The following PHF19 variants were observed in gnomAD, a reference collection of about 807,000 sequenced individuals.
PHF19 encodes the protein PHD finger protein 19.
A neutral mutation model predicts 79.8 loss-of-function variants in PHF19; 21 were observed. The ratio of observed to expected loss-of-function variants is 0.26; its 90% CI spans 0.19 to 0.38. The LOEUF (loss-of-function observed/expected upper bound fraction) is 0.38. Ranked by LOEUF, PHF19 falls within the 10% of genes least tolerant of loss-of-function variation. The probability of loss-of-function intolerance (pLI) is 1.00; values close to 1 mark genes in which losing one functional copy is unlikely to be tolerated. For synonymous variants in PHF19, 273 were observed against 296.3 expected, an observed-to-expected ratio of 0.92 and a Z score of 0.81; for missense variants, 445 against 744.2, an observed-to-expected ratio of 0.60 and a Z score of 4.68.
At position 120,869,785 on chromosome 9, in the gene PHF19, C is replaced by A; in HGVS notation, c.465+60G>T. The stretch of plus-strand genomic sequence containing the variant: ...AGCTCAGACTCTGTGATGGGAGTCT[C>A]TGGTCTGCCCCACTGGAGGAGGCAG... On this transcript the variant is annotated intron_variant, in intron 5 of 14. Coordinates refer to ENST00000373896, the MANE Select transcript of PHF19 (RefSeq NM_015651.3). The surrounding 1 kb of genome is among the most constrained non-coding windows in gnomAD (Gnocchi z 5.8). The A allele has an allele frequency of 1.2e-6, 2 of 1,609,296 alleles. No homozygotes were observed.
chr9:120,861,778 T>A, intron 12 of PHF19, 140 bp downstream of exon 12: 1 of 720,094 alleles, frequency 1.4e-6, no homozygotes, highest in South Asian at 1.5e-5. Flanking sequence ...AGTGCCTGGC[T>A]TAGCTGTAAT....
In PHF19 at chr9:120,856,513, C is replaced by T. The variant is rs1463383141; in HGVS notation, c.*1431G>A. On this transcript the variant is annotated 3_prime_UTR_variant, in exon 15 of 15. Coordinates refer to ENST00000373896, the MANE Select transcript of PHF19 (RefSeq NM_015651.3). ...GGTGCCCACCCTCCACGTCAAGGCA[C>T]TTTTGTCCATTTTCCAATCAAGTGA... is the stretch of plus-strand genomic sequence containing the variant. The T allele has an allele frequency of 1.3e-5, 2 of 152,254 alleles. No homozygotes were observed. Among genetic ancestry groups the T allele is most frequent in the African/African-American group, 4.8e-5 (2 of 41,464 alleles). The allele number at this position is 152,254 out of a possible 1,614,324, so 9.4% of individuals were successfully genotyped here. A position where few individuals can be genotyped will look rare whatever the true frequency, so the allele number is the denominator to read the frequency against.
chr9:120,879,520 C>A (rs928899754), upstream of PHF19, among the ~76,000 whole-genome samples: 24 of 152,214 alleles, frequency 1.6e-4, no homozygotes, highest in African/African-American at 5.5e-4. Context: ...GGTAATAATA[C>A]TACCCATCTC....
chr9:120,876,996 G>T, intron 1 of PHF19, 95 bp downstream of exon 1: 2 of 985,300 alleles, frequency 2.0e-6, no homozygotes, highest in Non-Finnish European at 2.4e-6. Context: ...GGAGGCGTTC[G>T]GGCCGCCAAA....
chr9:120,859,491 G>A (rs960457875), intron 14 of PHF19, among the ~76,000 whole-genome samples: 3 of 152,150 alleles, frequency 2.0e-5, no homozygotes, highest in African/African-American at 4.8e-5. Context: ...CTTGAGTGCA[G>A]AGGAAAGCCC....
rs1441616198 is a variant in PHF19, at chr9:120,856,140, G to A, written c.*1804C>T. 6.5e-6 allele frequency: 1 copy of A among 152,788 alleles called. No homozygotes were observed. The highest frequency in any genetic ancestry group is 6.5e-5 in the Admixed American group (1 of 15,286). 9.5% of individuals were successfully genotyped at this position (152,788 alleles called of 1,614,324 possible). On this transcript the variant is annotated 3_prime_UTR_variant, in exon 15 of 15. Transcript: ENST00000373896. ...GTTGGCCCCTGTGGCAGCAGCTGTGGGGCTGAAAAGGGGGAAGAACTGGGT... is the reference window on the plus strand; with the variant it reads ...GTTGGCCCCTGTGGCAGCAGCTGTGAGGCTGAAAAGGGGGAAGAACTGGGT...
chr9:120,902,145 G>A, the PHF19 span, among the ~76,000 whole-genome samples: 1 of 152,148 alleles, frequency 6.6e-6, no homozygotes, highest in African/African-American at 2.4e-5. Context: ...ATGGCTTCCC[G>A]TTGCCAACTG....
At chr9:120,861,818 G>A (rs1432091153) in intron 12 of PHF19, 100 bp downstream of exon 12, 2 of 822,916 alleles carry the variant, frequency 2.4e-6, no homozygotes, top group African/African-American at 3.3e-5. Context: ...GGACATGAGA[G>A]AGTCCTCTGG....
chr9:120,870,066 C>T lies in PHF19; in HGVS notation c.365-121G>A. 7.0e-7 allele frequency: 1 copy of T among 1,419,690 alleles called. No homozygotes were observed. The highest frequency in any genetic ancestry group is 9.4e-7 in the Non-Finnish European group (1 of 1,065,302). The allele number at this position is 1,419,690 out of a possible 1,614,324, so 87.9% of individuals were successfully genotyped here. The stretch of plus-strand genomic sequence containing the variant: ...TCCTAGGAGCTCTGCCTGCCAGCTG[C>T]CGGGAGCCTGGCTGCTGGTGCCCAC... On this transcript the variant is annotated intron_variant, in intron 4 of 14. Coordinates refer to ENST00000373896, the MANE Select transcript of PHF19 (RefSeq NM_015651.3). The surrounding 1 kb of genome is among the most constrained non-coding windows in gnomAD (Gnocchi z 4.4).
At chr9:120,894,795 C>T in exon 1 of PHF19, 2 of 1,230,022 alleles carry the variant, frequency 1.6e-6, no homozygotes, top group Non-Finnish European at 2.0e-6. Context: ...CACCTGGGCG[C>T]TGGGATAGGG....
chr9:120,901,176 G>T, the PHF19 span, among the ~76,000 whole-genome samples: 1 of 149,612 alleles, frequency 6.7e-6, no homozygotes, highest in East Asian at 2.0e-4. Context: ...GAAAGAAACT[G>T]GAAGCAAATA....
At position 120,865,949 on chromosome 9, in the gene PHF19, T is replaced by C. The variant is rs1689027197; in HGVS notation, c.779+79A>G. On this transcript the variant is annotated intron_variant, in intron 8 of 14. Transcript: ENST00000373896. ...AGGGTTGGGACCCAGTAGCTGGAAATGGAATTGTTCCAGGAGGGAGGAGGG... is the reference window on the plus strand; with the variant it reads ...AGGGTTGGGACCCAGTAGCTGGAAACGGAATTGTTCCAGGAGGGAGGAGGG... The C allele has an allele frequency of 7.6e-6, 12 of 1,574,668 alleles. No homozygotes were observed. In the African/African-American group the frequency reaches 8.1e-5, roughly 11 times the overall value.
At chr9:120,877,033 G>GA (rs2046083167) in intron 1 of PHF19, 58 bp downstream of exon 1, 1 of 985,428 alleles carries the variant, frequency 1.0e-6, no homozygotes, top group African/African-American at 1.7e-5. Context: ...AAAAGAGAGG[G>GA]ATGAGGGCCG....
At chr9:120,901,001 G>A in the PHF19 span, among the ~76,000 whole-genome samples, 4 of 152,244 alleles carry the variant, frequency 2.6e-5, no homozygotes, top group African/African-American at 9.6e-5. Flanking sequence ...CTGTGAGCAA[G>A]CTTGTATGGC....
In PHF19 at chr9:120,858,157, G is replaced by T; in HGVS notation, c.1530C>A (p.Pro510=). Residue 510 remains proline (P), a synonymous_variant, in exon 15 of 15, where the codon CCC becomes CCA. Transcript: ENST00000373896. ...SDSSAEGASV[P]ERPDEGIDSH... is the part of the protein sequence containing the mutation. Reference sequence around the variant, plus strand: ...TGTCAATGCCTTCGTCTGGCCGCTCGGGGACTGAAGCCCCCTCTGCACTGC... The same window carrying T: ...TGTCAATGCCTTCGTCTGGCCGCTCTGGGACTGAAGCCCCCTCTGCACTGC... The T allele has an allele frequency of 6.2e-7, 1 of 1,613,122 alleles. No individual in the cohort carries two copies. Among genetic ancestry groups the T allele is most frequent in the Non-Finnish European group, 8.5e-7 (1 of 1,179,256 alleles).
At chr9:120,899,302 T>A (rs762829990), upstream of PHF19, among the ~76,000 whole-genome samples, 1 of 151,476 alleles carries the variant, frequency 6.6e-6, no homozygotes, top group Non-Finnish European at 1.5e-5. Context: ...ATCCAGACCA[T>A]CCTGGCTAAC....
At position 120,874,028 on chromosome 9, in the gene PHF19, A is replaced by C; in HGVS notation, c.219T>G (p.Thr73=). The C allele has an allele frequency of 6.2e-7, 1 of 1,608,998 alleles. No homozygotes were observed. The highest frequency in any genetic ancestry group is 8.5e-7 in the Non-Finnish European group (1 of 1,176,052). Reference sequence around the variant, plus strand: ...CCCAGTATTTGGAATTATCTTCGAAAGTCACGAGGCAGCTTTGCTTAGAGC... The same window carrying C: ...CCCAGTATTTGGAATTATCTTCGAACGTCACGAGGCAGCTTTGCTTAGAGC... ...VSSSKQSCLV[T]FEDNSKYWVL... is the part of the protein sequence containing the mutation. Residue 73 remains threonine, a synonymous_variant, in exon 3 of 15, where the codon ACT becomes ACG. Transcript: ENST00000373896. This position sits in a 1 kb window ranked among gnomAD's most constrained non-coding sequence, Gnocchi z 4.5.
intron 3 of PHF19, among the ~76,000 whole-genome samples, chr9:120,871,824 G>T (rs2045903947): frequency 6.6e-6 from 1 of 151,928 alleles, no homozygotes; most frequent in Non-Finnish European, 1.5e-5. Context: ...CGGATCACAA[G>T]GTCACGAGTT....
At chr9:120,890,273 C>CTTTTTTT (rs10658749) in intron 1 of PHF19, among the ~76,000 whole-genome samples, 4 of 115,410 alleles carry the variant, frequency 3.5e-5, no homozygotes, top group Non-Finnish European at 5.0e-5. Flanking sequence ...AATGAGCCTG[C>CTTTTTTT]TTTTTTTTTT....
Sources: gnomAD v4.1 joint callset for allele counts (sites outside exome capture counted in the v4.1 genomes callset) on GRCh38, gnomAD v4.1.1 for gene constraint, Gnocchi (gnomAD v3.1) non-coding constraint, MANE v1.5 for transcripts, NCBI Gene and HGNC (gene_info 2026-07-23, HGNC 2026-07-21) for gene names.